The following SLC8A1 variants were observed in gnomAD, a reference collection of about 807,000 sequenced individuals.
SLC8A1 encodes the protein sodium/calcium exchanger 1.
Under a neutral mutation model 68.3 loss-of-function variants are expected in SLC8A1, and 18 were observed. The ratio of observed to expected loss-of-function variants is 0.26; its 90% CI spans 0.18 to 0.39. The LOEUF (loss-of-function observed/expected upper bound fraction) is 0.39, where lower values mean the gene tolerates loss of function less well. SLC8A1 is among the 10% of genes least tolerant of loss of function. The pLI is 1.00. For missense variants in SLC8A1, 985 were observed against 1,156.7 expected, an observed-to-expected ratio of 0.85 and a Z score of 2.15; for synonymous variants, 475 against 415.5, an observed-to-expected ratio of 1.14 and a Z score of -1.74.
chr2:40,437,282 G>A (rs1435712515), intron 1 of SLC8A1, among the ~76,000 whole-genome samples: 2 of 152,118 alleles, frequency 1.3e-5, no homozygotes, highest in African/African-American at 4.8e-5. Context: ...CTGCCATGCT[G>A]CCCCTTCTTC....
intron 7 of SLC8A1, chr2:40,118,435 C>A (rs1041137180): frequency 6.6e-6 from 1 of 152,030 alleles, no homozygotes; most frequent in African/African-American, 2.4e-5. Context: ...AATCCAGACT[C>A]CTGGATTTGT....
At chr2:40,369,186 T>A (rs77192446) in intron 2 of SLC8A1, among the ~76,000 whole-genome samples, 2 of 151,926 alleles carry the variant, frequency 1.3e-5, no homozygotes, top group Non-Finnish European at 2.9e-5. Flanking sequence ...AATTGACAAA[T>A]GGGATCTAAT....
chr2:40,395,675 G>A (rs1686685941), intron 2 of SLC8A1, among the ~76,000 whole-genome samples: 1 of 152,140 alleles, frequency 6.6e-6, no homozygotes, highest in African/African-American at 2.4e-5. Context: ...AAGTGGAACT[G>A]CAGGATTTCT....
At chr2:40,410,403 G>T (rs1691739504) in intron 2 of SLC8A1, among the ~76,000 whole-genome samples, 1 of 151,914 alleles carries the variant, frequency 6.6e-6, no homozygotes, top group South Asian at 2.1e-4. Context: ...GATAGTGACT[G>T]GTAAAAGAAG....
chr2:40,416,054 TAA>T (rs779668065), intron 2 of SLC8A1, among the ~76,000 whole-genome samples: 25 of 116,248 alleles, frequency 2.2e-4, no homozygotes, highest in Middle Eastern at 9.1e-3. Context: ...GGCTCTGTTT[TAA>T]AAAAAAAAAA....
chr2:40,404,669 A>AT (rs1235664589), intron 2 of SLC8A1, among the ~76,000 whole-genome samples: 4 of 152,158 alleles, frequency 2.6e-5, no homozygotes, highest in African/African-American at 4.8e-5. Flanking sequence ...CATTTCTCGC[A>AT]TTTTCATGAT....
chr2:40,352,228 A>C (rs1211976397), intron 2 of SLC8A1, among the ~76,000 whole-genome samples: 1 of 152,128 alleles, frequency 6.6e-6, no homozygotes, highest in Non-Finnish European at 1.5e-5. Context: ...TGAACAATTC[A>C]ATTTAGGAAT....
At chr2:40,405,484 T>G (rs971677560) in intron 2 of SLC8A1, among the ~76,000 whole-genome samples, 2 of 152,176 alleles carry the variant, frequency 1.3e-5, no homozygotes, top group African/African-American at 4.8e-5. Flanking sequence ...CTAACAGTTG[T>G]CCGCTTTTCC....
chr2:40,173,151 G>A (rs2047833225), intron 4 of SLC8A1, among the ~76,000 whole-genome samples: 1 of 152,140 alleles, frequency 6.6e-6, no homozygotes, highest in Admixed American at 6.5e-5. Context: ...ATTCAGTCAT[G>A]AAGACTGGCT....
At chr2:40,231,679 CTCTT>C (rs1171067595) in intron 2 of SLC8A1, among the ~76,000 whole-genome samples, 1 of 152,134 alleles carries the variant, frequency 6.6e-6, no homozygotes, top group African/African-American at 2.4e-5. Flanking sequence ...ATTCTCTCAT[CTCTT>C]TCACATAAAT....
At chr2:40,375,095 C>T (rs540611784) in intron 2 of SLC8A1, among the ~76,000 whole-genome samples, 79 of 152,170 alleles carry the variant, frequency 5.2e-4, no homozygotes, top group African/African-American at 1.7e-3. Flanking sequence ...TCACCAAAGA[C>T]TGTTTTGGTA....
chr2:40,482,949 C>T (rs1046364760), intron 1 of SLC8A1, among the ~76,000 whole-genome samples: 9 of 148,894 alleles, frequency 6.0e-5, no homozygotes, highest in Non-Finnish European at 1.0e-4. Flanking sequence ...CGCCACCACG[C>T]CCGGCTTTTT....
intron 2 of SLC8A1, among the ~76,000 whole-genome samples, chr2:40,188,270 T>G (rs1244255926): frequency 6.6e-6 from 1 of 151,190 alleles, no homozygotes; most frequent in Non-Finnish European, 1.5e-5. Context: ...TAAATGCAGA[T>G]TCTCTAGAAA....
intron 2 of SLC8A1, among the ~76,000 whole-genome samples, chr2:40,392,323 A>G (rs1328559040): frequency 6.6e-6 from 1 of 152,148 alleles, no homozygotes; most frequent in Non-Finnish European, 1.5e-5. Flanking sequence ...AGTAAATCTC[A>G]AGAGGCCATC....
chr2:40,292,948 G>C (rs2069610797), intron 2 of SLC8A1, among the ~76,000 whole-genome samples: 1 of 152,118 alleles, frequency 6.6e-6, no homozygotes, highest in African/African-American at 2.4e-5. Flanking sequence ...AGAAACCATA[G>C]ATCATGGGAA....
chr2:40,480,016 G>A (rs1032819587), intron 1 of SLC8A1, among the ~76,000 whole-genome samples: 4 of 152,086 alleles, frequency 2.6e-5, no homozygotes, highest in Admixed American at 2.0e-4. Flanking sequence ...TGATTTTACT[G>A]CAGGATGGGA....
chr2:40,424,404 C>A (rs1219273124), intron 2 of SLC8A1, among the ~76,000 whole-genome samples: 2 of 151,668 alleles, frequency 1.3e-5, no homozygotes, highest in Non-Finnish European at 3.0e-5. Flanking sequence ...ATAGCAAAAA[C>A]AAAATATTTA....
At chr2:40,415,809 T>C (rs1183691573) in intron 2 of SLC8A1, among the ~76,000 whole-genome samples, 2 of 146,430 alleles carry the variant, frequency 1.4e-5, no homozygotes, top group African/African-American at 2.5e-5. Context: ...AGGTCCGGAG[T>C]TCAAGACCAG....
chr2:40,376,777 C>G (rs1300364248), intron 2 of SLC8A1, among the ~76,000 whole-genome samples: 2 of 152,048 alleles, frequency 1.3e-5, no homozygotes, highest in African/African-American at 2.4e-5. Flanking sequence ...CTAGCAGATT[C>G]TATATGTCCT....
Sources: allele counts gnomAD v4.1 joint callset (sites outside exome capture counted in the v4.1 genomes callset), GRCh38; gene constraint gnomAD v4.1.1; transcripts MANE v1.5; gene names NCBI Gene and HGNC (gene_info 2026-07-23, HGNC 2026-07-21).